CPQ: variants seen among roughly 807,000 people sequenced by gnomAD.
The protein encoded by CPQ is carboxypeptidase Q.
In CPQ, 37 loss-of-function variants were observed where a neutral mutation model predicts 45.7. That is an observed-to-expected ratio of 0.81 (90% confidence interval 0.62 to 1.07). The LOEUF is 1.07. CPQ is among the 50% of genes least tolerant of loss of function. The pLI, the probability that CPQ is intolerant of heterozygous loss-of-function variation, is 0.00. For synonymous variants in CPQ, 186 were observed against 205.8 expected (o/e 0.90, Z 0.82); for missense variants, 537 against 572.9 (o/e 0.94, Z 0.64).
At chr8:96,987,959 G>A (rs897239654) in intron 5 of CPQ, among the ~76,000 whole-genome samples, 1 of 152,184 alleles carries the variant, frequency 6.6e-6, no homozygotes, top group Non-Finnish European at 1.5e-5. Context: ...GTGAATTGCT[G>A]TGATCATCTT....
At chr8:96,729,570 A>G (rs1267998434) in intron 1 of CPQ, among the ~76,000 whole-genome samples, 1 of 152,198 alleles carries the variant, frequency 6.6e-6, no homozygotes, top group African/African-American at 2.4e-5. Flanking sequence ...ATGTCCATAT[A>G]CACATCATCT....
At chr8:96,864,161 A>G (rs1811965914) in intron 3 of CPQ, among the ~76,000 whole-genome samples, 1 of 152,010 alleles carries the variant, frequency 6.6e-6, no homozygotes, top group African/African-American at 2.4e-5. Flanking sequence ...AGAGGTGGAC[A>G]CTATTCCTCT....
At chr8:97,135,648 C>A (rs1323055056) in intron 7 of CPQ, among the ~76,000 whole-genome samples, 1 of 152,052 alleles carries the variant, frequency 6.6e-6, no homozygotes, top group Non-Finnish European at 1.5e-5. Flanking sequence ...TTCCCTCACC[C>A]CATAATTATT....
intron 1 of CPQ, among the ~76,000 whole-genome samples, chr8:96,681,294 GCCCAGGT>G (rs1345246701): frequency 6.6e-6 from 1 of 152,058 alleles, no homozygotes; most frequent in African/African-American, 2.4e-5. Flanking sequence ...TTTTGGCCAG[GCCCAGGT>G]CCCTCTGCTC....
intron 2 of CPQ, among the ~76,000 whole-genome samples, chr8:96,803,122 C>A (rs1170648190): frequency 6.6e-6 from 1 of 151,974 alleles, no homozygotes; most frequent in Admixed American, 6.5e-5. Context: ...GCTGGAGAAC[C>A]AATAGTATAC....
At chr8:96,873,688 G>A (rs1274089984) in intron 3 of CPQ, among the ~76,000 whole-genome samples, 1 of 151,626 alleles carries the variant, frequency 6.6e-6, no homozygotes, top group Non-Finnish European at 1.5e-5. Flanking sequence ...CCCACTTCCA[G>A]ACCTTTTTTT....
At chr8:96,891,407 C>A (rs1002703383) in intron 4 of CPQ, among the ~76,000 whole-genome samples, 10 of 152,254 alleles carry the variant, frequency 6.6e-5, no homozygotes, top group African/African-American at 2.4e-4. Flanking sequence ...CGGCTGCTGG[C>A]AAATTAGGCA....
At chr8:96,840,725 G>A (rs1276279504) in intron 3 of CPQ, among the ~76,000 whole-genome samples, 1 of 152,168 alleles carries the variant, frequency 6.6e-6, no homozygotes, top group Non-Finnish European at 1.5e-5. Flanking sequence ...AAAGAAATCA[G>A]CAGGAGGCAT....
intron 5 of CPQ, among the ~76,000 whole-genome samples, chr8:97,012,577 C>A (rs1300397971): frequency 6.6e-6 from 1 of 152,162 alleles, no homozygotes; most frequent in Non-Finnish European, 1.5e-5. Context: ...AGACTGAATA[C>A]ACCTCTGTAC....
At chr8:97,045,589 T>A (rs924699597) in intron 6 of CPQ, among the ~76,000 whole-genome samples, 1 of 152,236 alleles carries the variant, frequency 6.6e-6, no homozygotes, top group African/African-American at 2.4e-5. Flanking sequence ...TCGCTCATGC[T>A]GGGAGCTGTA....
At chr8:97,054,489 T>C (rs1436157962) in intron 6 of CPQ, among the ~76,000 whole-genome samples, 1 of 152,188 alleles carries the variant, frequency 6.6e-6, no homozygotes, top group African/African-American at 2.4e-5. Flanking sequence ...TATCACAGCA[T>C]GGTTCACAAT....
At chr8:97,124,520 T>C (rs1307576443) in intron 7 of CPQ, among the ~76,000 whole-genome samples, 3 of 152,208 alleles carry the variant, frequency 2.0e-5, no homozygotes, top group Non-Finnish European at 4.4e-5. Context: ...ATAGACTATA[T>C]GCTGGGTTAT....
At chr8:96,930,001 C>T (rs780176944) in intron 4 of CPQ, among the ~76,000 whole-genome samples, 13 of 151,736 alleles carry the variant, frequency 8.6e-5, no homozygotes, top group Non-Finnish European at 1.5e-4. Context: ...AACCAAGAGG[C>T]GAGAATTTTG....
At chr8:96,685,266 A>G (rs1809210976) in intron 1 of CPQ, among the ~76,000 whole-genome samples, 1 of 152,110 alleles carries the variant, frequency 6.6e-6, no homozygotes, top group Non-Finnish European at 1.5e-5. Context: ...TATCAATTTT[A>G]ATGGGTTCTG....
At chr8:96,694,199 A>G (rs538389435) in intron 1 of CPQ, among the ~76,000 whole-genome samples, 5 of 152,194 alleles carry the variant, frequency 3.3e-5, no homozygotes, top group South Asian at 4.1e-4. Flanking sequence ...GAAAGAAGGG[A>G]GGAAGGAAGA....
chr8:96,966,835 C>T (rs1031241403), intron 5 of CPQ, among the ~76,000 whole-genome samples: 6 of 152,308 alleles, frequency 3.9e-5, no homozygotes, highest in Admixed American at 1.3e-4. Flanking sequence ...ATTTTGACCA[C>T]CTACTTTGCT....
chr8:97,046,405 T>A (rs1470588971), intron 6 of CPQ, among the ~76,000 whole-genome samples: 1 of 152,192 alleles, frequency 6.6e-6, no homozygotes, highest in Non-Finnish European at 1.5e-5. Flanking sequence ...TTCAGGGTTG[T>A]CTTAAAGGAG....
At chr8:96,853,559 C>G (rs1053315750) in intron 3 of CPQ, among the ~76,000 whole-genome samples, 1 of 133,198 alleles carries the variant, frequency 7.5e-6, no homozygotes, top group African/African-American at 2.6e-5. Context: ...TAATACTGGG[C>G]ATGATTTTTT....
At chr8:96,822,594 C>T (rs1195525279) in intron 2 of CPQ, among the ~76,000 whole-genome samples, 1 of 151,978 alleles carries the variant, frequency 6.6e-6, no homozygotes, top group African/African-American at 2.4e-5. Context: ...CAAATTCTAA[C>T]TCTTCACCAT....
Sources: gnomAD v4.1 joint callset for allele counts (sites outside exome capture counted in the v4.1 genomes callset) on GRCh38, gnomAD v4.1.1 for gene constraint, MANE v1.5 for transcripts, NCBI Gene and HGNC (gene_info 2026-07-23, HGNC 2026-07-21) for gene names.